The following SLC9A9 variants were observed in gnomAD, a reference collection of about 807,000 sequenced individuals.
SLC9A9 encodes sodium/hydrogen exchanger 9.
A neutral mutation model predicts 77.8 loss-of-function variants in SLC9A9; 62 were observed. That is an observed-to-expected ratio of 0.80 (90% CI 0.65 to 0.98). SLC9A9 has a LOEUF of 0.98. Among genes scored for constraint, SLC9A9 ranks in the 50% least tolerant of loss-of-function variants. The pLI, the probability that SLC9A9 is intolerant of heterozygous loss-of-function variation, is 0.00. For missense variants in SLC9A9, 775 were observed against 774.9 expected (o/e 1.00, Z 0.00); for synonymous variants, 320 against 283.5 (o/e 1.13, Z -1.29).
At chr3:143,404,372 A>C in intron 12 of SLC9A9, among the ~76,000 whole-genome samples, 1 of 152,002 alleles carries the variant, frequency 6.6e-6, no homozygotes, top group Non-Finnish European at 1.5e-5. Flanking sequence ...GGTTCTCACC[A>C]TGTTGGCTAG....
In SLC9A9 at chr3:143,318,084, G is replaced by A. The variant is rs368996438; in HGVS notation, c.1604+45400C>T. Among the ~76,000 whole-genome samples, 8 of 152,208 alleles carry A rather than the reference G, an allele frequency of 5.3e-5. No individual in the cohort carries two copies. The East Asian group carries it at 1.5e-3, about 29-fold the overall frequency. ...GTTTGGAGGCCTTTGCATCCCAATG[G>A]GATTTCTAGTAGATTGTTATAACCA... On this transcript the variant is annotated intron_variant, in intron 14 of 15. Coordinates refer to ENST00000316549, the MANE Select transcript of SLC9A9 (RefSeq NM_173653.4).
intron 14 of SLC9A9, among the ~76,000 whole-genome samples, chr3:143,356,155 G>C (rs147364624): frequency 6.6e-6 from 1 of 152,290 alleles, no homozygotes; most frequent in African/African-American, 2.4e-5. Context: ...CATACGTGTA[G>C]TCACTTGTCA....
intron 14 of SLC9A9, among the ~76,000 whole-genome samples, chr3:143,354,998 T>C (rs1189374363): frequency 1.3e-5 from 2 of 152,222 alleles, no homozygotes; most frequent in Non-Finnish European, 2.9e-5. Flanking sequence ...AATTGCTATC[T>C]GTAGTATAAT....
chr3:143,615,589 A>C (rs2038089876), intron 6 of SLC9A9, among the ~76,000 whole-genome samples: 1 of 151,932 alleles, frequency 6.6e-6, no homozygotes, highest in African/African-American at 2.4e-5. Flanking sequence ...ATCCCCCTGC[A>C]ACCTGGTTAA....
At chr3:143,269,854 T>C (rs1937850914) in intron 14 of SLC9A9, among the ~76,000 whole-genome samples, 1 of 152,222 alleles carries the variant, frequency 6.6e-6, no homozygotes, top group Non-Finnish European at 1.5e-5. Flanking sequence ...GGTTGGATCA[T>C]GAAGATCCGC....
intron 14 of SLC9A9, among the ~76,000 whole-genome samples, chr3:143,271,593 G>C (rs1433983864): frequency 6.6e-6 from 1 of 152,162 alleles, no homozygotes; most frequent in Non-Finnish European, 1.5e-5. Context: ...CCAGTCATTT[G>C]GTGTAGCACC....
rs1023806406 is a variant in SLC9A9 at position 143,715,689 on chromosome 3, G to A, written c.534-22382C>T. Among the ~76,000 whole-genome samples the A allele has an allele frequency of 1.4e-4, 21 of 152,262 alleles. No individual in the cohort carries two copies. The South Asian group carries it at 1.5e-3, about 11-fold the overall frequency. ...AAATGAAAGCCATGAAAAGAGTGGG[G>A]AGAGGAAGAATTAGAGAGGAAGGCC... On this transcript the variant is annotated intron_variant, in intron 4 of 15. Coordinates refer to ENST00000316549, the MANE Select transcript of SLC9A9 (RefSeq NM_173653.4).
At chr3:143,430,593 G>A (rs1576491932) in intron 12 of SLC9A9, among the ~76,000 whole-genome samples, 1 of 152,220 alleles carries the variant, frequency 6.6e-6, no homozygotes, top group Non-Finnish European at 1.5e-5. Flanking sequence ...TGCTTCAGCA[G>A]CTGTTCTTTT....
intron 9 of SLC9A9, among the ~76,000 whole-genome samples, chr3:143,527,769 C>T (rs1010079496): frequency 3.9e-5 from 6 of 152,290 alleles, no homozygotes; most frequent in African/African-American, 1.4e-4. Context: ...CTCAGTGCCT[C>T]AGCAGTGGGG....
At chr3:143,764,543 T>G (rs1390859181) in intron 4 of SLC9A9, among the ~76,000 whole-genome samples, 1 of 152,134 alleles carries the variant, frequency 6.6e-6, no homozygotes, top group Non-Finnish European at 1.5e-5. Flanking sequence ...CCCTGAATTT[T>G]GTATCTTTTC....
At chr3:143,625,696 T>C (rs1323826275) in intron 6 of SLC9A9, among the ~76,000 whole-genome samples, 1 of 152,192 alleles carries the variant, frequency 6.6e-6, no homozygotes, top group African/African-American at 2.4e-5. Flanking sequence ...ATTCAGGACA[T>C]AAGCATGGGC....
Position 143,568,643 on chromosome 3 carries a change from C to A in SLC9A9, c.1000+5445G>T, listed in dbSNP as rs531779088. ...AACACTTACTACCTTATAAAGTGAT[C>A]TGTTATTCAGGTTTTGAAACTTTTT... is the stretch of plus-strand genomic sequence containing the variant. On this transcript the variant is annotated intron_variant, in intron 8 of 15. Transcript: ENST00000316549. Among the ~76,000 whole-genome samples, 26 of 152,260 alleles carry A rather than the reference C, an allele frequency of 1.7e-4. 1 individual carries two copies. The South Asian group carries it at 2.7e-3, about 16-fold the overall frequency.
intron 13 of SLC9A9, among the ~76,000 whole-genome samples, chr3:143,374,241 T>C (rs755262700): frequency 3.8e-4 from 57 of 151,704 alleles, no homozygotes; most frequent in Admixed American, 1.2e-3. Flanking sequence ...CTGGCTAACA[T>C]GGTGAAACCC....
intron 6 of SLC9A9, among the ~76,000 whole-genome samples, chr3:143,626,113 AC>A (rs2108720791): frequency 6.6e-6 from 1 of 152,294 alleles, no homozygotes; most frequent in East Asian, 1.9e-4. Flanking sequence ...AAGTCAGGAA[AC>A]AACAGGTGCT....
chr3:143,545,111 C>T (rs768975625), intron 9 of SLC9A9, among the ~76,000 whole-genome samples: 3 of 152,126 alleles, frequency 2.0e-5, no homozygotes, highest in African/African-American at 4.8e-5. Context: ...TTCATGCCTC[C>T]AGCTTTGTTC....
At chr3:143,697,402 C>T (rs1388150942) in intron 4 of SLC9A9, among the ~76,000 whole-genome samples, 2 of 151,960 alleles carry the variant, frequency 1.3e-5, no homozygotes, top group Non-Finnish European at 2.9e-5. Flanking sequence ...AAATAATAGC[C>T]ATAATAAAAA....
intron 15 of SLC9A9, among the ~76,000 whole-genome samples, chr3:143,268,415 C>G (rs73161643): frequency 0.19 from 28,405 of 152,044 alleles, 2,739 homozygotes; most frequent in East Asian, 0.27. Flanking sequence ...GAAATGCTTC[C>G]TAGTGCAGTG....
At chr3:143,737,183 C>T (rs1323434192) in intron 4 of SLC9A9, among the ~76,000 whole-genome samples, 1 of 152,170 alleles carries the variant, frequency 6.6e-6, no homozygotes, top group Non-Finnish European at 1.5e-5. Flanking sequence ...ACGAAAACAA[C>T]ATTTTCTGCT....
rs574932966 is a variant in SLC9A9, at chr3:143,688,710, C to G, written c.649+4482G>C. 3.1e-3 allele frequency among the ~76,000 whole-genome samples: 472 copies of G among 150,354 alleles called. 2 individuals carry two copies. Among genetic ancestry groups the G allele is most frequent in the African/African-American group, 0.011 (453 of 40,836 alleles). ...TATCCCTGTATACCACTCTGGGGCT[C>G]TGATCTTCAATCTACACCATGGGTT... On this transcript the variant is annotated intron_variant, in intron 5 of 15. Transcript: ENST00000316549.
Sources: gnomAD v4.1 joint callset for allele counts (sites outside exome capture counted in the v4.1 genomes callset) on GRCh38, gnomAD v4.1.1 for gene constraint, MANE v1.5 for transcripts, NCBI Gene and HGNC (gene_info 2026-07-23, HGNC 2026-07-21) for gene names.